Variants in SPATA22 observed in about 807,000 individuals in gnomAD.
The protein encoded by SPATA22 is spermatogenesis associated 22.
SPATA22 carries 29 observed loss-of-function variants against 47.8 expected under a neutral mutation model. The observed-to-expected ratio is 0.61, with a 90% CI of 0.45 to 0.83. The LOEUF is 0.83. SPATA22 is among the 40% of genes least tolerant of loss of function. The pLI is 0.00. For synonymous variants in SPATA22, 133 were observed against 140.9 expected (o/e 0.94, Z 0.40); for missense variants, 410 against 421.7 (o/e 0.97, Z 0.24).
At chr17:3,484,533 G>A (rs576968320) in intron 1 of SPATA22, among the ~76,000 whole-genome samples, 7 of 152,088 alleles carry the variant, frequency 4.6e-5, no homozygotes, top group Non-Finnish European at 7.4e-5. Context: ...GGGGAGGAAA[G>A]GAAAAAAATT....
chr17:3,489,132 AATTTT>A (rs1250623698), intron 1 of SPATA22: 1 of 778,500 alleles, frequency 1.3e-6, no homozygotes, highest in Non-Finnish European at 2.1e-6. Flanking sequence ...CCTTTTTAAT[AATTTT>A]AACAACATAA....
chr17:3,478,336 A>C (rs2073567669), intron 1 of SPATA22, among the ~76,000 whole-genome samples: 1 of 152,222 alleles, frequency 6.6e-6, no homozygotes, highest in Non-Finnish European at 1.5e-5. Context: ...CTCTTAATAG[A>C]AACATGCCTC....
chr17:3,497,442 G>A (rs923654364), intron 1 of SPATA22, among the ~76,000 whole-genome samples: 6 of 152,216 alleles, frequency 3.9e-5, no homozygotes, highest in Admixed American at 1.3e-4. Flanking sequence ...GCATGGTTGC[G>A]GGTTATATGA....
intron 5 of SPATA22, among the ~76,000 whole-genome samples, chr17:3,452,828 G>C (rs567729485): frequency 6.6e-6 from 1 of 152,068 alleles, no homozygotes; most frequent in Non-Finnish European, 1.5e-5. Context: ...TACCAAGATT[G>C]AATCAAGAAG....
chr17:3,468,321 T>G (rs2073358172), intron 2 of SPATA22: 1 of 152,228 alleles, frequency 6.6e-6, no homozygotes, highest in African/African-American at 2.4e-5. Flanking sequence ...TGTGCATTGC[T>G]ATAGAGCAAG....
chr17:3,451,118 A>C (rs2072849338), intron 5 of SPATA22, among the ~76,000 whole-genome samples: 1 of 152,226 alleles, frequency 6.6e-6, no homozygotes, highest in Non-Finnish European at 1.5e-5. Context: ...ATGGAAAAAG[A>C]TATTCCATGC....
chr17:3,495,209 T>C (rs2073889979), intron 1 of SPATA22, among the ~76,000 whole-genome samples: 1 of 152,194 alleles, frequency 6.6e-6, no homozygotes, highest in African/African-American at 2.4e-5. Flanking sequence ...GCAAGTGGCC[T>C]GCACACTCCC....
chr17:3,463,140 G>A (rs1403838049), intron 3 of SPATA22, among the ~76,000 whole-genome samples: 1 of 152,164 alleles, frequency 6.6e-6, no homozygotes, highest in African/African-American at 2.4e-5. Context: ...TGATATATGT[G>A]TGAGACAGAG....
chr17:3,504,794 G>A (rs904836635), intron 1 of SPATA22, among the ~76,000 whole-genome samples: 3 of 152,148 alleles, frequency 2.0e-5, no homozygotes, highest in African/African-American at 7.2e-5. Context: ...CCCGAACTCA[G>A]ATGATCCACC....
chr17:3,456,678 T>A (rs371903331), intron 5 of SPATA22, among the ~76,000 whole-genome samples: 9 of 152,032 alleles, frequency 5.9e-5, no homozygotes, highest in South Asian at 2.1e-4. Context: ...AAAAGAGGGA[T>A]TCCTCCCTAA....
At chr17:3,443,849 T>C (rs2072653293) in intron 7 of SPATA22, among the ~76,000 whole-genome samples, 1 of 141,782 alleles carries the variant, frequency 7.1e-6, no homozygotes, top group Non-Finnish European at 1.6e-5. Context: ...CAAGTTAACA[T>C]ACCCAACACC....
chr17:3,476,800 A>G (rs2073530578), upstream of SPATA22, among the ~76,000 whole-genome samples: 1 of 152,238 alleles, frequency 6.6e-6, no homozygotes, highest in Non-Finnish European at 1.5e-5. Context: ...TTTTCAAGCA[A>G]CTATGCTTAC....
At chr17:3,505,988 C>T (rs568758865) in intron 1 of SPATA22, among the ~76,000 whole-genome samples, 282 of 152,188 alleles carry the variant, frequency 1.9e-3, no homozygotes, top group Non-Finnish European at 3.4e-3. Context: ...GAACTCCTGA[C>T]CTCAGGTGAT....
At chr17:3,503,230 T>C (rs1278385722) in intron 1 of SPATA22, 1 of 151,946 alleles carries the variant, frequency 6.6e-6, no homozygotes, top group Non-Finnish European at 1.5e-5. Flanking sequence ...AATGAATGAA[T>C]AAATATTATA....
intron 1 of SPATA22, among the ~76,000 whole-genome samples, chr17:3,484,723 T>G (rs1291708105): frequency 6.6e-6 from 1 of 152,206 alleles, no homozygotes; most frequent in East Asian, 1.9e-4. Flanking sequence ...TAAAAGTTTC[T>G]AAACACTTAC....
At chr17:3,462,808 A>C in intron 3 of SPATA22, 41 bp from the exon 4 acceptor site, 1 of 1,444,170 alleles carries the variant, frequency 6.9e-7, no homozygotes, top group African/African-American at 1.4e-5. Context: ...TAAGATAGGT[A>C]GTATTTTTCA....
At chr17:3,487,085 T>TGTGTGTGA (rs201646723) in intron 1 of SPATA22, among the ~76,000 whole-genome samples, 6 of 152,200 alleles carry the variant, frequency 3.9e-5, no homozygotes, top group African/African-American at 1.4e-4. Context: ...TGTGTGTGTG[T>TGTGTGTGA]GATCATAAGA....
intron 1 of SPATA22, among the ~76,000 whole-genome samples, chr17:3,506,929 A>G (rs1242561832): frequency 6.8e-6 from 1 of 146,828 alleles, no homozygotes; most frequent in East Asian, 2.2e-4. Flanking sequence ...TGACAAGGCA[A>G]GACTCTGTCG....
rs149581746 is a variant in SPATA22 at position 3,440,228 on chromosome 17, A to G, written c.1011T>C (p.Ser337=). The G allele has an allele frequency of 1.9e-6, 3 of 1,611,596 alleles. No homozygotes were observed. The highest frequency in any genetic ancestry group is 2.5e-6 in the Non-Finnish European group (3 of 1,178,826). Reference sequence around the variant, plus strand: ...CAAATGCCTGGAAAGTTTTTTGTTCAGAAACAGACGCCGGTCTGACAGAAA... The same window carrying G: ...CAAATGCCTGGAAAGTTTTTTGTTCGGAAACAGACGCCGGTCTGACAGAAA... ...QCVSVRPASV[S]EQKTFQAFVK... is the part of the protein sequence containing the mutation. Residue 337 remains serine, a synonymous_variant, in exon 9 of 9, where the codon TCT becomes TCC. Transcript: ENST00000572969.
Sources: allele counts gnomAD v4.1 joint callset (sites outside exome capture counted in the v4.1 genomes callset), GRCh38; gene constraint gnomAD v4.1.1; transcripts MANE v1.5; gene names NCBI Gene and HGNC (gene_info 2026-07-23, HGNC 2026-07-21).